UROC1: variants seen among roughly 807,000 people sequenced by gnomAD.
The protein encoded by UROC1 is urocanate hydratase.
Under a neutral mutation model 89.5 loss-of-function variants are expected in UROC1, and 79 were observed. The ratio of observed to expected loss-of-function variants is 0.88; its 90% confidence interval spans 0.74 to 1.06. The LOEUF is 1.06. UROC1 is among the 50% of genes least tolerant of loss of function. The probability of loss-of-function intolerance (pLI) is 0.00; values close to 1 mark genes in which losing one functional copy is unlikely to be tolerated. For synonymous variants in UROC1, 361 were observed against 354.8 expected, an observed-to-expected ratio of 1.02 and a Z score of -0.20; for missense variants, 885 against 907.8, an observed-to-expected ratio of 0.97 and a Z score of 0.32.
intron 18 of UROC1, 67 bp downstream of exon 18, chr3:126,488,131 C>T (rs1935557535): frequency 3.2e-6 from 5 of 1,567,296 alleles, no homozygotes; most frequent in African/African-American, 1.4e-5. Flanking sequence ...CTCAGCCTGG[C>T]CCTGCCCCAA....
intron 1 of UROC1, among the ~76,000 whole-genome samples, chr3:126,515,507 C>T (rs1445605124): frequency 5.6e-5 from 8 of 141,634 alleles, no homozygotes; most frequent in African/African-American, 2.1e-4. Flanking sequence ...CTTCCACTCC[C>T]CAGTACCCAC....
chr3:126,491,668 C>T (rs77821699), intron 16 of UROC1, among the ~76,000 whole-genome samples: 3,120 of 152,296 alleles, frequency 0.02, 92 homozygotes, highest in South Asian at 0.13. Flanking sequence ...GAGAGACGCC[C>T]GCAAGAACTC....
intron 15 of UROC1, among the ~76,000 whole-genome samples, chr3:126,493,566 C>A (rs62264730): frequency 0.059 from 9,032 of 152,096 alleles, 502 homozygotes; most frequent in African/African-American, 0.15. Context: ...TTGTTGAGTG[C>A]CAGGGGCCGT....
intron 14 of UROC1, among the ~76,000 whole-genome samples, chr3:126,496,835 T>A (rs1935788433): frequency 6.6e-6 from 1 of 152,244 alleles, no homozygotes; most frequent in South Asian, 2.1e-4. Context: ...AGCCTTCGAC[T>A]AGAGTATCTG....
At chr3:126,500,570 C>T in intron 11 of UROC1, 125 bp downstream of exon 11, 1 of 1,173,736 alleles carries the variant, frequency 8.5e-7, no homozygotes, top group Non-Finnish European at 1.3e-6. Flanking sequence ...GGCAGAGGCT[C>T]AGAGAGGTTA....
In UROC1 at chr3:126,505,951, G is replaced by A; in HGVS notation, c.663C>T (p.Gly221=). The A allele has an allele frequency of 1.2e-6, 2 of 1,612,924 alleles. No individual in the cohort carries two copies. The highest frequency in any genetic ancestry group is 8.5e-7 in the Non-Finnish European group (1 of 1,179,880). The change falls in exon 7 of 20, where the codon GGC becomes GGT. Residue 221 remains glycine, a synonymous_variant. Transcript: ENST00000290868. The part of the protein sequence containing the change: ...CYIGPQGIVH[G]TVLTVLNAAR... Reference sequence around the variant, plus strand: ...GCGTGGCCCCATCTCTCACCACAGTGCCATGAACGATTCCCTGGGGACCGA... The same window carrying A: ...GCGTGGCCCCATCTCTCACCACAGTACCATGAACGATTCCCTGGGGACCGA...
At chr3:126,507,659 G>A in intron 6 of UROC1, 83 bp downstream of exon 6, 1 of 1,387,926 alleles carries the variant, frequency 7.2e-7, no homozygotes, top group Admixed American at 1.7e-5. Flanking sequence ...TTCAAAACTT[G>A]TATTTAATAT....
intron 1 of UROC1, among the ~76,000 whole-genome samples, chr3:126,511,477 A>G (rs1156661076): frequency 2.0e-5 from 3 of 152,228 alleles, no homozygotes; most frequent in Admixed American, 6.5e-5. Flanking sequence ...TCACTATTCT[A>G]AAGGCAGTGC....
Position 126,489,283 on chromosome 3 carries a change from GA to G in UROC1, c.1700del (p.Phe567SerfsTer34). On this transcript the variant is annotated frameshift_variant, in exon 17 of 20. Coordinates refer to ENST00000290868, the MANE Select transcript of UROC1 (RefSeq NM_144639.3). LOFTEE classifies it high-confidence loss of function. ...CATTCTCATCTTCCTCACCTGCACAGAAGGCAGAGCCGTCGTAAATGTTGGA... is the reference window on the plus strand; with the variant it reads ...CATTCTCATCTTCCTCACCTGCACAGAGGCAGAGCCGTCGTAAATGTTGGA... Reference protein sequence around the residue: ...ETSNIYDGSAFCADMAVQNFV... With the variant: ...ETSNIYDGSAXCADMAVQNFV... 1 of 1,613,176 alleles carries G rather than the reference GA, an allele frequency of 6.2e-7. No homozygotes were observed. Among genetic ancestry groups the G allele is most frequent in the African/African-American group, 1.3e-5 (1 of 75,042 alleles).
chr3:126,481,806 A>G lies in UROC1; in HGVS notation c.*539T>C, dbSNP rs2107530095. 1 of 159,332 alleles carries G rather than the reference A, an allele frequency of 6.3e-6. No individual in the cohort carries two copies. The highest frequency in any genetic ancestry group is 1.9e-4 in the East Asian group (1 of 5,396). The allele number at this position is 159,332 out of a possible 1,614,324, so 9.9% of individuals were successfully genotyped here. Reference sequence around the variant, plus strand: ...CCCCAGTAAGTGATCATTTATCCTTAGGGCAGACCCGGCCTGCCCGTCCCA... The same window carrying G: ...CCCCAGTAAGTGATCATTTATCCTTGGGGCAGACCCGGCCTGCCCGTCCCA... On this transcript the variant is annotated 3_prime_UTR_variant, in exon 20 of 20. Transcript: ENST00000290868.
chr3:126,500,798 T>C lies in UROC1; in HGVS notation c.1042A>G (p.Asn348Asp), dbSNP rs1293714150. 6.2e-7 allele frequency: 1 copy of C among 1,614,068 alleles called. No homozygotes were observed. The part of the protein sequence containing the change: ...DLGSDQTSCH[N>D]PFNGGYYPVQ... The stretch of plus-strand genomic sequence containing the variant: ...GGGTAGTAGCCGCCATTGAACGGGT[T>C]GTGGCAGGATGTCTGATCTGACCCC... The change falls in exon 11 of 20, where the codon AAC (asparagine) becomes GAC (aspartate). Residue 348 changes from asparagine to aspartate, a missense_variant. Physicochemically the swap from Asn to Asp is conservative, Grantham distance 23 (BLOSUM62 1). Transcript: ENST00000290868.
At position 126,482,285 on chromosome 3, in the gene UROC1, G is replaced by T; in HGVS notation, c.*60C>A. 1 of 1,604,504 alleles carries T rather than the reference G, an allele frequency of 6.2e-7. No homozygotes were observed. The highest frequency in any genetic ancestry group is 8.5e-7 in the Non-Finnish European group (1 of 1,174,814). Reference sequence around the variant, plus strand: ...GTGTGCAGGAAGGGTGTGTGCCATGGCTGGGCAGGTGAGGATCGCCAGGGA... The same window carrying T: ...GTGTGCAGGAAGGGTGTGTGCCATGTCTGGGCAGGTGAGGATCGCCAGGGA... On this transcript the variant is annotated 3_prime_UTR_variant, in exon 20 of 20. Coordinates refer to ENST00000290868, the MANE Select transcript of UROC1 (RefSeq NM_144639.3).
At chr3:126,485,506 G>A (rs1935494683) in intron 18 of UROC1, among the ~76,000 whole-genome samples, 1 of 152,112 alleles carries the variant, frequency 6.6e-6, no homozygotes, top group Non-Finnish European at 1.5e-5. Context: ...CCTCGGGGCA[G>A]AGGATCAGCG....
At chr3:126,501,331 G>T (rs1183039304) in intron 9 of UROC1, 51 bp from the exon 10 acceptor site, 4 of 1,608,412 alleles carry the variant, frequency 2.5e-6, no homozygotes, top group South Asian at 1.1e-5. Context: ...GTGCATAGGT[G>T]CCCCAGACAC....
intron 17 of UROC1, 79 bp downstream of exon 17, chr3:126,489,197 T>C (rs1327541086): frequency 3.6e-6 from 5 of 1,374,110 alleles, no homozygotes; most frequent in Admixed American, 1.7e-5. Flanking sequence ...TTTCGAAACA[T>C]TGTGACTGAC....
chr3:126,508,227 C>T lies in UROC1; in HGVS notation c.412-132G>A. On this transcript the variant is annotated intron_variant, in intron 4 of 19. Transcript: ENST00000290868. ...CCATTCCACTCCAGTGGCCCTGGTG[C>T]CTCCCTCAACACCACCTCGCCCATT... The T allele has an allele frequency of 1.2e-5, 19 of 1,528,324 alleles. No individual in the cohort carries two copies. In the South Asian group the frequency reaches 2.1e-4, roughly 17 times the overall value. 94.7% of individuals were successfully genotyped at this position (1,528,324 alleles called of 1,614,324 possible). A position where few individuals can be genotyped will look rare whatever the true frequency, so the allele number is the denominator to read the frequency against.
At position 126,504,099 on chromosome 3, in the gene UROC1, A is replaced by T. The variant is rs555549880; in HGVS notation, c.814-16T>A. 1.9e-6 allele frequency: 3 copies of T among 1,611,964 alleles called. No individual in the cohort carries two copies. The highest frequency in any genetic ancestry group is 2.7e-5 in the African/African-American group (2 of 73,392). ...CTTTATCCACCTGGGGCCATGAGAC[A>T]TGGGGCCACGAGACATGGGGCCACC... On this transcript the variant is annotated splice_polypyrimidine_tract_variant and intron_variant, in intron 8 of 19. Coordinates refer to ENST00000290868, the MANE Select transcript of UROC1 (RefSeq NM_144639.3).
intron 17 of UROC1, among the ~76,000 whole-genome samples, chr3:126,488,593 G>T (rs1431184303): frequency 1.3e-5 from 2 of 152,242 alleles, no homozygotes; most frequent in African/African-American, 4.8e-5. Context: ...GTTCAGAGAA[G>T]TAGAGTGCCA....
At chr3:126,508,564 G>C in intron 3 of UROC1, 89 bp from the exon 4 acceptor site, 2 of 1,038,262 alleles carry the variant, frequency 1.9e-6, no homozygotes, top group Non-Finnish European at 2.9e-6. Context: ...CCATCCCCTG[G>C]GGGCCCAATG....
Sources: gnomAD v4.1 joint callset for allele counts (sites outside exome capture counted in the v4.1 genomes callset) on GRCh38, gnomAD v4.1.1 for gene constraint, MANE v1.5 for transcripts, NCBI Gene and HGNC (gene_info 2026-07-23, HGNC 2026-07-21) for gene names.